RAB3C: variants seen among roughly 807,000 people sequenced by gnomAD.
The protein encoded by RAB3C is RAB3C, member RAS oncogene family.
In RAB3C, 17 loss-of-function variants were observed where a neutral mutation model predicts 26.4. The observed-to-expected ratio is 0.64, with a 90% CI of 0.44 to 0.97. The LOEUF is 0.97. Ranked by LOEUF, RAB3C falls within the 50% of genes least tolerant of loss-of-function variation. The pLI is 0.00. For synonymous variants in RAB3C, 91 were observed against 95.9 expected (o/e 0.95, Z 0.30); for missense variants, 242 against 281.9 (o/e 0.86, Z 1.01).
At chr5:58,619,789 A>G (rs1190630934) in intron 2 of RAB3C, among the ~76,000 whole-genome samples, 3 of 152,146 alleles carry the variant, frequency 2.0e-5, no homozygotes, top group African/African-American at 7.2e-5. Context: ...TTCAAATAAT[A>G]TAAATTATTT....
chr5:58,806,260 G>A (rs981453267), intron 3 of RAB3C, among the ~76,000 whole-genome samples: 1 of 152,064 alleles, frequency 6.6e-6, no homozygotes, highest in African/African-American at 2.4e-5. Flanking sequence ...CATCTCATAG[G>A]GCTGAATATT....
chr5:58,824,997 G>C, intron 3 of RAB3C, 41 bp from the exon 4 acceptor site: 1 of 1,436,090 alleles, frequency 7.0e-7, no homozygotes, highest in Non-Finnish European at 9.6e-7. Flanking sequence ...ATGCTGTTCT[G>C]CTTTCCTCTG....
At chr5:58,838,866 A>G (rs75307839) in intron 4 of RAB3C, among the ~76,000 whole-genome samples, 9,020 of 152,190 alleles carry the variant, frequency 0.059, 363 homozygotes, top group East Asian at 0.13. Context: ...TACTTGCTTT[A>G]TGTATCTGGG....
At chr5:58,692,537 C>A (rs755369909) in intron 2 of RAB3C, among the ~76,000 whole-genome samples, 5 of 151,732 alleles carry the variant, frequency 3.3e-5, no homozygotes, top group Admixed American at 1.3e-4. Flanking sequence ...GTTACATATT[C>A]TCTTGAGTTT....
chr5:58,679,257 G>A (rs889242023), intron 2 of RAB3C, among the ~76,000 whole-genome samples: 6 of 152,086 alleles, frequency 3.9e-5, no homozygotes, highest in Non-Finnish European at 8.8e-5. Flanking sequence ...TTGGGACTTG[G>A]CTCATTTTTT....
At chr5:58,702,220 T>C (rs1167003176) in intron 2 of RAB3C, among the ~76,000 whole-genome samples, 2 of 152,218 alleles carry the variant, frequency 1.3e-5, no homozygotes, top group Non-Finnish European at 1.5e-5. Context: ...ATAATTTCTG[T>C]TATAGCCTAT....
At chr5:58,691,640 A>G (rs1338738549) in intron 2 of RAB3C, among the ~76,000 whole-genome samples, 1 of 152,184 alleles carries the variant, frequency 6.6e-6, no homozygotes, top group Non-Finnish European at 1.5e-5. Flanking sequence ...TTTTCAGGGA[A>G]TATACATAAT....
chr5:58,684,174 A>G (rs73100400), intron 2 of RAB3C, among the ~76,000 whole-genome samples: 2,307 of 152,298 alleles, frequency 0.015, 67 homozygotes, highest in African/African-American at 0.053. Context: ...CTATTTACAT[A>G]GCATTTACAT....
intron 3 of RAB3C, among the ~76,000 whole-genome samples, chr5:58,757,523 G>A (rs151122106): frequency 3.4e-3 from 511 of 152,336 alleles, no homozygotes; most frequent in African/African-American, 0.012. Flanking sequence ...TCACTTTCAA[G>A]TTATGCATTC....
chr5:58,791,760 C>A (rs1357711942), intron 3 of RAB3C, among the ~76,000 whole-genome samples: 2 of 152,142 alleles, frequency 1.3e-5, no homozygotes, highest in African/African-American at 4.8e-5. Context: ...ATAATGATAT[C>A]TTTTAAAGTG....
At chr5:58,749,037 C>A (rs1368184756) in intron 3 of RAB3C, among the ~76,000 whole-genome samples, 1 of 152,084 alleles carries the variant, frequency 6.6e-6, no homozygotes, top group Non-Finnish European at 1.5e-5. Context: ...AGAATCACCC[C>A]TGAAAAGAGA....
At chr5:58,845,786 T>A (rs1743986432) in intron 4 of RAB3C, among the ~76,000 whole-genome samples, 1 of 151,588 alleles carries the variant, frequency 6.6e-6, no homozygotes, top group Non-Finnish European at 1.5e-5. Context: ...CTGTGCCACC[T>A]TCATCACAGT....
At position 58,820,038 on chromosome 5, in the gene RAB3C, A is replaced by G. The variant is rs114843712; in HGVS notation, c.372-5000A>G. On this transcript the variant is annotated intron_variant, in intron 3 of 4. Transcript: ENST00000282878. Reference sequence around the variant, plus strand: ...GTACGTGCATAGAAAGTTATTGTGTATGCAGAAAGAGGTATAAATTTCATT... The same window carrying G: ...GTACGTGCATAGAAAGTTATTGTGTGTGCAGAAAGAGGTATAAATTTCATT... Among the ~76,000 whole-genome samples the G allele has an allele frequency of 4.2e-3, 645 of 152,310 alleles. 2 individuals are homozygous for G. The highest frequency in any genetic ancestry group is 8.7e-3 in the South Asian group (42 of 4,830).
At chr5:58,582,378 T>C (rs1745917299), upstream of RAB3C, 1 of 985,240 alleles carries the variant, frequency 1.0e-6, no homozygotes, top group Non-Finnish European at 1.2e-6. Flanking sequence ...ACTTGAGAAT[T>C]TCTGAACCTC....
chr5:58,604,412 G>T (rs530246650), intron 1 of RAB3C, among the ~76,000 whole-genome samples: 1 of 152,186 alleles, frequency 6.6e-6, no homozygotes, highest in Non-Finnish European at 1.5e-5. Flanking sequence ...AGAAAGGTGG[G>T]TAGGTAGGGA....
At chr5:58,743,676 T>A (rs988851584) in intron 3 of RAB3C, among the ~76,000 whole-genome samples, 4 of 152,130 alleles carry the variant, frequency 2.6e-5, no homozygotes, top group Non-Finnish European at 2.9e-5. Context: ...TGATTGTCTG[T>A]TCCTGTGTTC....
chr5:58,663,741 T>G (rs1288920386), intron 2 of RAB3C, among the ~76,000 whole-genome samples: 1 of 152,016 alleles, frequency 6.6e-6, no homozygotes, highest in Non-Finnish European at 1.5e-5. Flanking sequence ...TTAGAATGGA[T>G]GCAGTAGAAA....
At chr5:58,848,399 A>G (rs559891131) in intron 4 of RAB3C, 14 of 152,374 alleles carry the variant, frequency 9.2e-5, no homozygotes, top group African/African-American at 2.9e-4. Flanking sequence ...AATTTAGCCA[A>G]AACAAAATGG....
chr5:58,585,387 A>G (rs1449769797), intron 1 of RAB3C, among the ~76,000 whole-genome samples: 1 of 152,030 alleles, frequency 6.6e-6, no homozygotes, highest in Non-Finnish European at 1.5e-5. Context: ...CAAGATAAAT[A>G]ATTGACTTTT....
Sources: allele counts gnomAD v4.1 joint callset (sites outside exome capture counted in the v4.1 genomes callset), GRCh38; gene constraint gnomAD v4.1.1; transcripts MANE v1.5; gene names NCBI Gene and HGNC (gene_info 2026-07-23, HGNC 2026-07-21).